Variants in KMT2A observed in about 807,000 individuals in gnomAD.
The protein encoded by KMT2A is histone-lysine N-methyltransferase 2A.
KMT2A carries 16 observed loss-of-function variants against 345.3 expected under a neutral mutation model. The ratio of observed to expected loss-of-function variants is 0.05; its 90% CI spans 0.03 to 0.07. The LOEUF (loss-of-function observed/expected upper bound fraction) is 0.07. KMT2A is among the 10% of genes least tolerant of loss of function. The probability of loss-of-function intolerance (pLI) is 1.00; values close to 1 mark genes in which losing one functional copy is unlikely to be tolerated. For missense variants in KMT2A, 3,272 were observed against 4,841.6 expected (o/e 0.68, Z 9.62); for synonymous variants, 1,599 against 1,778.6 (o/e 0.90, Z 2.54).
rs1280894804 is a variant in KMT2A at position 118,476,111 on chromosome 11, G to A, written c.3157-694G>A. On this transcript the variant is annotated intron_variant, in intron 3 of 35. Transcript: ENST00000534358. This position sits in a 1 kb window ranked among gnomAD's most constrained non-coding sequence, Gnocchi z 4.1. ...GTAGAGACAGGGTTTCTCCATGTTGGTCAGGCTGGTCTCAAACTCCCGACC... is the reference window on the plus strand; with the variant it reads ...GTAGAGACAGGGTTTCTCCATGTTGATCAGGCTGGTCTCAAACTCCCGACC... Among the ~76,000 whole-genome samples the A allele has an allele frequency of 6.6e-6, 1 of 152,004 alleles. No homozygotes were observed. Among genetic ancestry groups the A allele is most frequent in the African/African-American group, 2.4e-5 (1 of 41,392 alleles).
intron 28 of KMT2A, among the ~76,000 whole-genome samples, chr11:118,508,419 T>G (rs902629777): frequency 5.3e-5 from 8 of 152,196 alleles, no homozygotes; most frequent in Non-Finnish European, 1.2e-4. Flanking sequence ...TTGGATTGTT[T>G]CCAGAATTTA....
intron 10 of KMT2A, among the ~76,000 whole-genome samples, chr11:118,485,502 C>T (rs1950212254): frequency 6.6e-6 from 1 of 151,892 alleles, no homozygotes; most frequent in Non-Finnish European, 1.5e-5. Flanking sequence ...GAAATTAAAG[C>T]ATGATAAAAA....
chr11:118,477,123 T>C, intron 4 of KMT2A, 141 bp downstream of exon 4: 1 of 799,020 alleles, frequency 1.3e-6, no homozygotes, highest in Admixed American at 2.7e-5. Context: ...TACATGAGGA[T>C]TTTATTAGAA....
intron 15 of KMT2A, among the ~76,000 whole-genome samples, chr11:118,492,503 C>T (rs1453163641): frequency 6.6e-6 from 1 of 152,166 alleles, no homozygotes; most frequent in Non-Finnish European, 1.5e-5. Context: ...CACGGTGAAA[C>T]CCCGTCTCTA....
chr11:118,508,626 G>A (rs1565309303), intron 28 of KMT2A, among the ~76,000 whole-genome samples: 1 of 151,858 alleles, frequency 6.6e-6, no homozygotes, highest in Non-Finnish European at 1.5e-5. Flanking sequence ...TCCAAGCTAA[G>A]GCGGGAGGAT....
chr11:118,496,186 T>G lies in KMT2A; in HGVS notation c.5558-75T>G. On this transcript the variant is annotated intron_variant, in intron 19 of 35. Coordinates refer to ENST00000534358, the MANE Select transcript of KMT2A (RefSeq NM_001197104.2). The surrounding 1 kb of genome is among the most constrained non-coding windows in gnomAD (Gnocchi z 4.7). ...TATGTAAGCTGAATTATTTCTTTTT[T>G]CCTTGAAATCAGACATAGTATTGCC... 9.1e-7 allele frequency: 1 copy of G among 1,096,790 alleles called. No homozygotes were observed. The highest frequency in any genetic ancestry group is 1.4e-6 in the Non-Finnish European group (1 of 716,474). The allele number at this position is 1,096,790 out of a possible 1,614,324, so 67.9% of individuals were successfully genotyped here.
Position 118,488,764 on chromosome 11 carries a change from C to A in KMT2A, c.4479+4C>A, listed in dbSNP as rs1950274686. On this transcript the variant is annotated splice_donor_region_variant and intron_variant, in intron 11 of 35. Transcript: ENST00000534358. ...AAGGCAACATCAGGCTACAAAGGTACAAAACTTGGTAATAGAACTACAGCT... is the reference window on the plus strand; with the variant it reads ...AAGGCAACATCAGGCTACAAAGGTAAAAAACTTGGTAATAGAACTACAGCT... 2 of 1,613,632 alleles carry A rather than the reference C, an allele frequency of 1.2e-6. No homozygotes were observed.
chr11:118,455,565 A>C (rs1949624952), intron 1 of KMT2A, among the ~76,000 whole-genome samples: 1 of 152,146 alleles, frequency 6.6e-6, no homozygotes, highest in Non-Finnish European at 1.5e-5. Flanking sequence ...TTTGTCTTCT[A>C]TCTTGGCCCT....
chr11:118,494,841 C>T lies in KMT2A; in HGVS notation c.5363+74C>T. The T allele has an allele frequency of 8.1e-7, 1 of 1,229,450 alleles. No homozygotes were observed. The highest frequency in any genetic ancestry group is 1.9e-5 in the Admixed American group (1 of 53,302). 76.2% of individuals were successfully genotyped at this position (1,229,450 alleles called of 1,614,324 possible). A position where few individuals can be genotyped will look rare whatever the true frequency, so the allele number is the denominator to read the frequency against. On this transcript the variant is annotated intron_variant, in intron 18 of 35. Transcript: ENST00000534358. The surrounding 1 kb of genome is among the most constrained non-coding windows in gnomAD (Gnocchi z 5.8). The stretch of plus-strand genomic sequence containing the variant: ...TGAGAGTTCTCATATTTCTAGATTG[C>T]AGTTTTCCAAAAGGTTTTAATACTA...
In KMT2A at chr11:118,500,868, A is replaced by T. The variant is rs9332833; in HGVS notation, c.6159-119A>T. 45 of 669,534 alleles carry T rather than the reference A, an allele frequency of 6.7e-5. No individual in the cohort carries two copies. In the African/African-American group the frequency reaches 7.6e-4, roughly 11 times the overall value. 41.5% of individuals were successfully genotyped at this position (669,534 alleles called of 1,614,324 possible). On this transcript the variant is annotated intron_variant, in intron 24 of 35. Transcript: ENST00000534358. ...ATCTATACTAAGAACCCATAAAATA[A>T]AGCTAAACTCTGTAATTAAGAGGGC...
chr11:118,503,653 A>T lies in KMT2A; in HGVS notation c.7761A>T (p.Gln2587His). The T allele has an allele frequency of 6.2e-7, 1 of 1,614,200 alleles. No individual in the cohort carries two copies. The highest frequency in any genetic ancestry group is 8.5e-7 in the Non-Finnish European group (1 of 1,180,008). Reference protein sequence around the residue: ...SPNNTSCQDSQSNNYQNLPVQ... With the variant: ...SPNNTSCQDSHSNNYQNLPVQ... ...ATAATACCTCATGCCAGGATTCTCA[A>T]AGTAACAACTATCAGAATCTTCCAG... The change falls in exon 27 of 36, where the codon CAA (glutamine) becomes CAT (histidine). Residue 2587 changes from glutamine (Q) to histidine (H), a missense_variant. Physicochemically the swap from Gln to His is conservative, Grantham distance 24. Around this residue, in one of 27 missense-constraint regions of KMT2A, gnomAD observed 445 missense variants for 500.9 expected, o/e 0.89. Transcript: ENST00000534358. This position sits in a 1 kb window ranked among gnomAD's most constrained non-coding sequence, Gnocchi z 5.3.
chr11:118,483,181 C>T (rs1410896093), intron 8 of KMT2A, among the ~76,000 whole-genome samples: 8 of 148,948 alleles, frequency 5.4e-5, no homozygotes, highest in Non-Finnish European at 4.4e-5. Context: ...TGCAGTGAGC[C>T]GAGATTGCAT....
Position 118,520,657 on chromosome 11 carries a change from A to T in KMT2A, c.11430-145A>T. The T allele has an allele frequency of 3.2e-6, 2 of 633,166 alleles. No homozygotes were observed. Among genetic ancestry groups the T allele is most frequent in the South Asian group, 4.1e-5 (2 of 48,780 alleles). The allele number at this position is 633,166 out of a possible 1,614,324, so 39.2% of individuals were successfully genotyped here. A position where few individuals can be genotyped will look rare whatever the true frequency, so the allele number is the denominator to read the frequency against. On this transcript the variant is annotated intron_variant, in intron 33 of 35. Transcript: ENST00000534358. This position sits in a 1 kb window ranked among gnomAD's most constrained non-coding sequence, Gnocchi z 4.3. ...CAGAGCGAAACTCCATCTCAAAAAAAAAAGGGGGGCGCTCATTTTATAAGG... is the reference window on the plus strand; with the variant it reads ...CAGAGCGAAACTCCATCTCAAAAAATAAAGGGGGGCGCTCATTTTATAAGG...
At position 118,472,150 on chromosome 11, in the gene KMT2A, C is replaced by T. The variant is rs368926838; in HGVS notation, c.991C>T (p.Arg331Trp). The T allele has an allele frequency of 4.3e-6, 7 of 1,613,774 alleles. No homozygotes were observed. In the East Asian group the frequency reaches 8.9e-5, roughly 21 times the overall value. ...NSELEKPQKV[R>W]KDKEGTPPLT... is the part of the protein sequence containing the mutation. ...TGAACTGGAAAAGCCCCAGAAAGTC[C>T]GGAAAGACAAGGAAGGAACACCTCC... is the stretch of plus-strand genomic sequence containing the variant. Residue 331 changes from arginine (R) to tryptophan (W), a missense_variant, in exon 3 of 36, where the codon CGG (arginine) becomes TGG (tryptophan). Around this residue, in one of 27 missense-constraint regions of KMT2A, gnomAD observed 412 missense variants for 511.0 expected, o/e 0.81. Transcript: ENST00000534358.
At chr11:118,483,717 C>T (rs1268050000) in intron 8 of KMT2A, among the ~76,000 whole-genome samples, 1 of 152,144 alleles carries the variant, frequency 6.6e-6, no homozygotes, top group African/African-American at 2.4e-5. Context: ...TCACCCTTCC[C>T]TGTATTCACT....
chr11:118,473,669 C>G lies in KMT2A; in HGVS notation c.2510C>G (p.Pro837Arg), dbSNP rs2134269651. 1 of 1,614,156 alleles carries G rather than the reference C, an allele frequency of 6.2e-7. No individual in the cohort carries two copies. The highest frequency in any genetic ancestry group is 2.2e-5 in the East Asian group (1 of 44,878). ...TCAAGTAGTCCTACTCCTCTCTTCC[C>G]TTGGTTTACCCCAGGCTCTCAGACT... is the stretch of plus-strand genomic sequence containing the variant. ...FSSSSPTPLF[P>R]WFTPGSQTER... is the part of the protein sequence containing the mutation. Residue 837 changes from proline to arginine, a missense_variant, in exon 3 of 36, where the codon CCT (proline) becomes CGT (arginine). Physicochemically the swap from Pro to Arg is moderately radical, Grantham distance 103. This residue lies in a region of KMT2A where 209 missense variants were observed against 237.4 expected (regional missense o/e 0.88). Transcript: ENST00000534358. This position sits in a 1 kb window ranked among gnomAD's most constrained non-coding sequence, Gnocchi z 5.2.
chr11:118,455,710 T>G (rs1019388062), intron 1 of KMT2A, among the ~76,000 whole-genome samples: 5 of 151,780 alleles, frequency 3.3e-5, no homozygotes, highest in Admixed American at 1.3e-4. Context: ...TTATTTATTT[T>G]TTTTTGAGGC....
chr11:118,504,228 A>G lies in KMT2A; in HGVS notation c.8336A>G (p.Asn2779Ser), dbSNP rs1473735619. ...HVTKSSVGHKNEPKMDNCHSV... is the reference protein window; with the variant it reads ...HVTKSSVGHKSEPKMDNCHSV... ...ACTAAGAGTTCTGTTGGCCACAAAA[A>G]TGAGCCAAAGATGGATAACTGCCAT... The change falls in exon 27 of 36, where the codon AAT becomes AGT. Residue 2779 changes from asparagine (N) to serine (S), a missense_variant. Asn to Ser is a conservative substitution (Grantham distance 46). Around this residue, in one of 27 missense-constraint regions of KMT2A, gnomAD observed 100 missense variants for 101.3 expected, o/e 0.99. Coordinates refer to ENST00000534358, the MANE Select transcript of KMT2A (RefSeq NM_001197104.2). This position sits in a 1 kb window ranked among gnomAD's most constrained non-coding sequence, Gnocchi z 6.4. 1.9e-6 allele frequency: 3 copies of G among 1,614,062 alleles called. No homozygotes were observed. Among genetic ancestry groups the G allele is most frequent in the Non-Finnish European group, 2.5e-6 (3 of 1,180,036 alleles).
intron 1 of KMT2A, among the ~76,000 whole-genome samples, chr11:118,466,791 T>A (rs1949852104): frequency 6.6e-6 from 1 of 151,626 alleles, no homozygotes; most frequent in Non-Finnish European, 1.5e-5. Flanking sequence ...AGAGCAAGAC[T>A]CTGCCTCAAA....
Sources: allele counts gnomAD v4.1 joint callset (sites outside exome capture counted in the v4.1 genomes callset), GRCh38; gene constraint gnomAD v4.1.1; regional missense constraint gnomAD v4.1.1; non-coding constraint Gnocchi (gnomAD v3.1); transcripts MANE v1.5; gene names NCBI Gene and HGNC (gene_info 2026-07-23, HGNC 2026-07-21).